Variants in DAB1 observed in about 807,000 individuals in gnomAD.
The protein encoded by DAB1 is DAB adaptor protein 1, also known as disabled homolog 1.
In DAB1, 15 loss-of-function variants were observed where a neutral mutation model predicts 64.6. That is an observed-to-expected ratio of 0.23 (90% CI 0.16 to 0.36). DAB1 has a LOEUF of 0.36. DAB1 is among the 10% of genes least tolerant of loss of function. The pLI is 1.00. For missense variants in DAB1, 596 were observed against 706.7 expected (o/e 0.84, Z 1.78); for synonymous variants, 235 against 251.9 (o/e 0.93, Z 0.64).
chr1:57,915,466 C>T (rs1644712372), intron 5 of DAB1, among the ~76,000 whole-genome samples: 2 of 152,092 alleles, frequency 1.3e-5, no homozygotes, highest in Middle Eastern at 3.2e-3. Context: ...TGATCATTTC[C>T]TTAAATCTTA....
chr1:57,572,712 A>T (rs1019900752), intron 7 of DAB1, among the ~76,000 whole-genome samples: 1 of 152,140 alleles, frequency 6.6e-6, no homozygotes, highest in East Asian at 1.9e-4. Flanking sequence ...GTAATTTATT[A>T]AAAAAAGAGG....
At chr1:57,403,459 C>T (rs1333581967) in intron 1 of DAB1, among the ~76,000 whole-genome samples, 2 of 152,136 alleles carry the variant, frequency 1.3e-5, no homozygotes, top group African/African-American at 4.8e-5. Context: ...TTATGTGAGC[C>T]AGAAAACTCT....
At chr1:57,729,309 G>A (rs947678646) in intron 6 of DAB1, among the ~76,000 whole-genome samples, 1 of 152,232 alleles carries the variant, frequency 6.6e-6, no homozygotes, top group African/African-American at 2.4e-5. Context: ...GGCTACTACT[G>A]GAGGCAGCCA....
chr1:57,536,530 C>A (rs1644730704), intron 7 of DAB1, among the ~76,000 whole-genome samples: 1 of 151,994 alleles, frequency 6.6e-6, no homozygotes, highest in Non-Finnish European at 1.5e-5. Flanking sequence ...AAAAGAGGCC[C>A]ACTTAGTCAA....
intron 5 of DAB1, among the ~76,000 whole-genome samples, chr1:58,002,042 T>G (rs1383102407): frequency 6.6e-6 from 1 of 152,214 alleles, no homozygotes; most frequent in Non-Finnish European, 1.5e-5. Flanking sequence ...CTCCAAATTT[T>G]ATAGTAGGAA....
chr1:58,214,361 C>T (rs1281669362), intron 4 of DAB1, among the ~76,000 whole-genome samples: 1 of 152,176 alleles, frequency 6.6e-6, no homozygotes, highest in Non-Finnish European at 1.5e-5. Context: ...CACTGACTGA[C>T]TTATGCTTAA....
At chr1:58,401,643 C>A (rs1258495422) in intron 3 of DAB1, among the ~76,000 whole-genome samples, 1 of 152,164 alleles carries the variant, frequency 6.6e-6, no homozygotes, top group Non-Finnish European at 1.5e-5. Flanking sequence ...TGTATCTCAG[C>A]AACTAAAACA....
intron 2 of DAB1, among the ~76,000 whole-genome samples, chr1:57,186,458 C>T (rs1276892172): frequency 6.6e-6 from 1 of 152,162 alleles, no homozygotes. Context: ...TATTAGTGGG[C>T]CAATGGATCT....
At chr1:58,424,470 TA>T (rs2100227809) in intron 3 of DAB1, among the ~76,000 whole-genome samples, 1 of 152,354 alleles carries the variant, frequency 6.6e-6, no homozygotes, top group East Asian at 1.9e-4. Flanking sequence ...CTCTCGGTTT[TA>T]TCTGCACCCA....
chr1:58,390,131 C>T (rs184349807), intron 3 of DAB1, among the ~76,000 whole-genome samples: 2 of 152,204 alleles, frequency 1.3e-5, no homozygotes, highest in East Asian at 3.9e-4. Flanking sequence ...GAGCTGAGAG[C>T]TATCTATTGG....
intron 5 of DAB1, among the ~76,000 whole-genome samples, chr1:58,031,918 A>G (rs1018859566): frequency 6.6e-6 from 1 of 151,610 alleles, no homozygotes; most frequent in Admixed American, 6.6e-5. Context: ...CTCATTTCCT[A>G]AGGTTGAAAT....
intron 6 of DAB1, among the ~76,000 whole-genome samples, chr1:57,807,967 C>T (rs537218740): frequency 1.3e-5 from 2 of 152,162 alleles, no homozygotes; most frequent in South Asian, 4.1e-4. Flanking sequence ...ATACATATAA[C>T]ACTCAAAAGA....
At chr1:58,242,106 C>T (rs1045927810) in intron 4 of DAB1, among the ~76,000 whole-genome samples, 2 of 152,068 alleles carry the variant, frequency 1.3e-5, no homozygotes, top group Admixed American at 1.3e-4. Flanking sequence ...CCATGGTATA[C>T]TTGTTCCATT....
intron 7 of DAB1, among the ~76,000 whole-genome samples, chr1:57,595,546 A>G (rs183015182): frequency 2.0e-5 from 3 of 152,218 alleles, no homozygotes; most frequent in Non-Finnish European, 4.4e-5. Context: ...ACTTGAAATG[A>G]GCAAGTGGCT....
chr1:58,021,243 G>A lies in DAB1; in HGVS notation n.387+129268C>T, dbSNP rs573874339. Among the ~76,000 whole-genome samples, 27 of 152,324 alleles carry A rather than the reference G, an allele frequency of 1.8e-4. No homozygotes were observed. In the Middle Eastern group the frequency reaches 0.01, roughly 58 times the overall value. ...CAGGCCTTGTCTTCCTAGAGTGGGC[G>A]TCATGCACTGGGCATAAAAGCTGAG... On this transcript the variant is annotated intron_variant and non_coding_transcript_variant, in intron 5 of 20. Transcript: ENST00000485760.
chr1:58,260,535 A>G (rs989687915), intron 4 of DAB1, among the ~76,000 whole-genome samples: 1 of 152,210 alleles, frequency 6.6e-6, no homozygotes, highest in Admixed American at 6.5e-5. Context: ...ATTAGCCTAA[A>G]GTAATGCGCC....
chr1:58,277,752 C>T (rs72667988), intron 4 of DAB1, among the ~76,000 whole-genome samples: 3,460 of 152,292 alleles, frequency 0.023, 55 homozygotes, highest in Non-Finnish European at 0.036. Context: ...CTCATCAGTG[C>T]TATGTGAGTT....
intron 4 of DAB1, among the ~76,000 whole-genome samples, chr1:58,318,908 A>G (rs1662618087): frequency 1.3e-5 from 2 of 152,306 alleles, no homozygotes; most frequent in South Asian, 4.1e-4. Context: ...GCATCTTTCC[A>G]TGGTGATAAC....
intron 7 of DAB1, among the ~76,000 whole-genome samples, chr1:57,541,413 G>A (rs1477547122): frequency 6.6e-5 from 10 of 152,174 alleles, no homozygotes; most frequent in African/African-American, 2.4e-4. Context: ...ATAGGCGTGA[G>A]CCACCGCACC....
Sources: allele counts gnomAD v4.1 joint callset (sites outside exome capture counted in the v4.1 genomes callset), GRCh38; gene constraint gnomAD v4.1.1; transcripts MANE v1.5; gene names NCBI Gene and HGNC (gene_info 2026-07-23, HGNC 2026-07-21).